BABAM2: variants seen among roughly 807,000 people sequenced by gnomAD.
BABAM2 encodes BRISC and BRCA1 A complex member 2.
BABAM2 carries 31 observed loss-of-function variants against 54.7 expected under a neutral mutation model. That is an observed-to-expected ratio of 0.57 (90% CI 0.43 to 0.77). The LOEUF is 0.77. BABAM2 is among the 30% of genes least tolerant of loss of function. The probability of loss-of-function intolerance (pLI) is 0.00; values close to 1 mark genes in which losing one functional copy is unlikely to be tolerated. For synonymous variants in BABAM2, 167 were observed against 162.9 expected (o/e 1.03, Z -0.19); for missense variants, 364 against 455.8 (o/e 0.80, Z 1.83).
At chr2:28,153,351 C>G (rs1417601070) in intron 7 of BABAM2, among the ~76,000 whole-genome samples, 1 of 152,172 alleles carries the variant, frequency 6.6e-6, no homozygotes, top group Non-Finnish European at 1.5e-5. Context: ...CTTTTGCTAT[C>G]TAAAGTCTTT....
chr2:28,131,327 C>T lies in BABAM2; in HGVS notation c.680+1947C>T, dbSNP rs184478768. ...CGATCTCCTGACCTCGTGATCCGCC[C>T]GCCTCGGCCTCCCAAAGTGCTGGGA... On this transcript the variant is annotated intron_variant, in intron 7 of 11. Transcript: ENST00000379624. 7.3e-3 allele frequency among the ~76,000 whole-genome samples: 448 copies of T among 61,514 alleles called. 120 individuals carry two copies. The East Asian group carries it at 0.11, about 16-fold the overall frequency. 40.4% of individuals were successfully genotyped at this position (61,514 alleles called of 152,430 possible).
intron 11 of BABAM2, among the ~76,000 whole-genome samples, chr2:28,334,303 G>A (rs760260191): frequency 1.3e-5 from 2 of 152,256 alleles, no homozygotes; most frequent in Non-Finnish European, 2.9e-5. Context: ...GGCTTGCCTC[G>A]GGACCCAGTG....
chr2:28,040,294 C>CTTTTTTTTTTTTTTTTTTTTTTTTTTTTT lies in BABAM2; in HGVS notation c.496-5407_496-5406insTTTTTTTTTTTTTTTTTTTTTTTTTTTTT, dbSNP rs397735161. On this transcript the variant is annotated intron_variant, in intron 5 of 11. Transcript: ENST00000379624. ...CAGTGCCAGAATGAAAAACTGAATTCTTTTTTTTTTTTTTTTTTTTTTTTG... is the reference window on the plus strand; with the variant it reads ...CAGTGCCAGAATGAAAAACTGAATTCTTTTTTTTTTTTTTTTTTTTTTTTTTTTTTTTTTTTTTTTTTTTTTTTTTTTTG... Among the ~76,000 whole-genome samples the CTTTTTTTTTTTTTTTTTTTTTTTTTTTTT allele has an allele frequency of 1.2e-4, 7 of 59,494 alleles. 1 individual carries two copies. The highest frequency in any genetic ancestry group is 2.7e-4 in the African/African-American group (4 of 14,874). 39.0% of individuals were successfully genotyped at this position (59,494 alleles called of 152,430 possible).
intron 10 of BABAM2, among the ~76,000 whole-genome samples, chr2:28,263,998 G>T (rs1025264420): frequency 2.0e-5 from 3 of 152,182 alleles, no homozygotes; most frequent in African/African-American, 7.2e-5. Flanking sequence ...TGTGATTGAG[G>T]CCAGAGAACT....
intron 6 of BABAM2, among the ~76,000 whole-genome samples, chr2:28,081,953 G>A (rs1665210784): frequency 6.6e-6 from 1 of 152,190 alleles, no homozygotes; most frequent in Non-Finnish European, 1.5e-5. Context: ...AAGTAATAAT[G>A]TGCAATGCAT....
intron 7 of BABAM2, among the ~76,000 whole-genome samples, chr2:28,167,319 G>A (rs1294877214): frequency 1.3e-5 from 2 of 152,132 alleles, no homozygotes; most frequent in Non-Finnish European, 2.9e-5. Context: ...GCATAATCAA[G>A]GAAAACATTT....
chr2:28,192,228 G>T (rs995359667), intron 7 of BABAM2, among the ~76,000 whole-genome samples: 5 of 152,022 alleles, frequency 3.3e-5, no homozygotes, highest in Non-Finnish European at 7.4e-5. Flanking sequence ...TAGAGACGGG[G>T]TTTCACCATG....
In BABAM2 at chr2:27,988,100, G is replaced by A. The variant is rs1672531701; in HGVS notation, c.300+13G>A. 6.2e-7 allele frequency: 1 copy of A among 1,603,438 alleles called. No homozygotes were observed. Among genetic ancestry groups the A allele is most frequent in the African/African-American group, 1.3e-5 (1 of 74,646 alleles). On this transcript the variant is annotated intron_variant, in intron 4 of 11. Transcript: ENST00000379624. Reference sequence around the variant, plus strand: ...CTCAGCTTTGCAGGTGAGTACTGCAGACTTGCTTGAATGATCTTTCTTTGG... The same window carrying A: ...CTCAGCTTTGCAGGTGAGTACTGCAAACTTGCTTGAATGATCTTTCTTTGG...
intron 9 of BABAM2, among the ~76,000 whole-genome samples, chr2:28,243,688 T>G (rs1682657558): frequency 6.6e-6 from 1 of 151,516 alleles, no homozygotes; most frequent in Non-Finnish European, 1.5e-5. Context: ...GCTTGGGCAA[T>G]AGGGTGAGAC....
At position 27,901,214 on chromosome 2, in the gene BABAM2, C is replaced by G. The variant is rs541690403; in HGVS notation, c.128+6530C>G. ...TCTTTGCTCTGTGTTAATTTGATCA[C>G]AAGCATGTGCTATTTGTAAGATGCC... On this transcript the variant is annotated intron_variant, in intron 2 of 11. Coordinates refer to ENST00000379624, the MANE Select transcript of BABAM2 (RefSeq NM_199191.3). Among the ~76,000 whole-genome samples, 12 of 152,220 alleles carry G rather than the reference C, an allele frequency of 7.9e-5. No individual in the cohort carries two copies. The South Asian group carries it at 2.5e-3, about 32-fold the overall frequency.
Position 28,048,392 on chromosome 2 carries a change from A to G in BABAM2, c.570+2593A>G, listed in dbSNP as rs551762425. ...AACATATGTGGTTCTTACAGGGGATAGAGTGAATTTATTCTGAAGATGAAG... is the reference window on the plus strand; with the variant it reads ...AACATATGTGGTTCTTACAGGGGATGGAGTGAATTTATTCTGAAGATGAAG... On this transcript the variant is annotated intron_variant, in intron 6 of 11. Coordinates refer to ENST00000379624, the MANE Select transcript of BABAM2 (RefSeq NM_199191.3). Among the ~76,000 whole-genome samples the G allele has an allele frequency of 1.4e-4, 21 of 152,348 alleles. No individual in the cohort carries two copies. The South Asian group carries it at 4.3e-3, about 32-fold the overall frequency.
intron 3 of BABAM2, among the ~76,000 whole-genome samples, chr2:27,937,082 A>G (rs1160093744): frequency 1.3e-5 from 2 of 152,220 alleles, no homozygotes; most frequent in Non-Finnish European, 1.5e-5. Context: ...CAAAAAGTTT[A>G]TATGACTTTG....
chr2:27,924,406 G>C (rs1233804819), intron 2 of BABAM2, among the ~76,000 whole-genome samples: 1 of 150,674 alleles, frequency 6.6e-6, no homozygotes, highest in Admixed American at 6.6e-5. Flanking sequence ...TTTTTTTTAG[G>C]CAGAGTCTCG....
At chr2:28,006,530 C>A (rs558763103) in intron 4 of BABAM2, among the ~76,000 whole-genome samples, 8 of 152,076 alleles carry the variant, frequency 5.3e-5, no homozygotes, top group African/African-American at 1.9e-4. Flanking sequence ...TTAAAAGCAA[C>A]AAGGATTCTA....
At chr2:28,295,195 A>C (rs1446320505) in intron 10 of BABAM2, among the ~76,000 whole-genome samples, 1 of 152,228 alleles carries the variant, frequency 6.6e-6, no homozygotes, top group African/African-American at 2.4e-5. Context: ...ATTTTCTACA[A>C]AACAAAATAA....
upstream of BABAM2, chr2:27,889,924 G>A: frequency 1.1e-5 from 3 of 264,894 alleles, no homozygotes; most frequent in East Asian, 1.4e-4. Flanking sequence ...AAGTTCCCTG[G>A]CTCGTTTGGG....
At chr2:28,230,602 T>G (rs1681288190) in intron 7 of BABAM2, among the ~76,000 whole-genome samples, 1 of 149,554 alleles carries the variant, frequency 6.7e-6, no homozygotes, top group African/African-American at 2.5e-5. Context: ...TGCACATCTG[T>G]GGTTCCAGCT....
rs1008615508 is a variant in BABAM2, at chr2:28,304,347, C to T, written c.1088+5856C>T. Among the ~76,000 whole-genome samples the T allele has an allele frequency of 1.3e-5, 2 of 151,152 alleles. No individual in the cohort carries two copies. The highest frequency in any genetic ancestry group is 3.0e-5 in the Non-Finnish European group (2 of 67,788). ...CTGGCATTACAGGCATGAGCCACTG[C>T]ATTCCACCTGTTTTTGCTTTTATTG... On this transcript the variant is annotated intron_variant, in intron 11 of 11. Coordinates refer to ENST00000379624, the MANE Select transcript of BABAM2 (RefSeq NM_199191.3). The surrounding 1 kb of genome is among the most constrained non-coding windows in gnomAD (Gnocchi z 4.0).
intron 3 of BABAM2, among the ~76,000 whole-genome samples, chr2:27,958,866 G>A (rs1266427557): frequency 6.6e-6 from 1 of 152,002 alleles, no homozygotes; most frequent in Non-Finnish European, 1.5e-5. Flanking sequence ...AAGGAGAGAT[G>A]GTTTTTTCCA....
Sources: allele counts gnomAD v4.1 joint callset (sites outside exome capture counted in the v4.1 genomes callset), GRCh38; gene constraint gnomAD v4.1.1; non-coding constraint Gnocchi (gnomAD v3.1); transcripts MANE v1.5; gene names NCBI Gene and HGNC (gene_info 2026-07-23, HGNC 2026-07-21).